MAD1L1: variants seen among roughly 807,000 people sequenced by gnomAD.
MAD1L1 encodes the protein mitotic arrest deficient 1 like 1.
In MAD1L1, 95 loss-of-function variants were observed where a neutral mutation model predicts 96.9. That is an observed-to-expected ratio of 0.98 (90% CI 0.83 to 1.16). MAD1L1 has a LOEUF of 1.16. Among genes scored for constraint, MAD1L1 ranks in the 50% most tolerant of loss-of-function variants. The pLI is 0.00. For missense variants in MAD1L1, 1,007 were observed against 954.4 expected, an observed-to-expected ratio of 1.06 and a Z score of -0.73; for synonymous variants, 473 against 396.6, an observed-to-expected ratio of 1.19 and a Z score of -2.29.
In MAD1L1 at chr7:2,014,721, A is replaced by G. The variant is rs377491570; in HGVS notation, c.1219-79T>C. ...ATGGAGACGGCTCAGGGAAGGCCCCACGAGAGCTGGGTCACGCGGGGGCTC... is the reference window on the plus strand; with the variant it reads ...ATGGAGACGGCTCAGGGAAGGCCCCGCGAGAGCTGGGTCACGCGGGGGCTC... On this transcript the variant is annotated intron_variant, in intron 12 of 18. Coordinates refer to ENST00000265854, the MANE Select transcript of MAD1L1 (RefSeq NM_001013836.2). The G allele has an allele frequency of 3.8e-5, 56 of 1,467,536 alleles. 1 individual carries two copies. The African/African-American group carries it at 5.0e-4, about 13-fold the overall frequency. 90.9% of individuals were successfully genotyped at this position (1,467,536 alleles called of 1,614,324 possible). A position where few individuals can be genotyped will look rare whatever the true frequency, so the allele number is the denominator to read the frequency against.
At chr7:2,057,508 C>T (rs907345697) in intron 12 of MAD1L1, among the ~76,000 whole-genome samples, 3 of 152,030 alleles carry the variant, frequency 2.0e-5, no homozygotes, top group Admixed American at 6.5e-5. Context: ...AACAAGACTC[C>T]ATTCCCCCCA....
chr7:2,230,167 G>C, intron 2 of MAD1L1, 24 bp from the exon 3 acceptor site: 1 of 1,562,886 alleles, frequency 6.4e-7, no homozygotes, highest in Middle Eastern at 1.7e-4. Context: ...ACAAAGGACT[G>C]GTCAGGGGCA....
At chr7:1,936,573 A>T (rs1778615162) in intron 17 of MAD1L1, 114 bp downstream of exon 17, 2 of 1,131,406 alleles carry the variant, frequency 1.8e-6, no homozygotes, top group Non-Finnish European at 2.5e-6. Context: ...ACAGGGGAGG[A>T]CAAACCCTCT....
intron 14 of MAD1L1, among the ~76,000 whole-genome samples, chr7:1,982,870 T>C (rs1373807592): frequency 6.6e-6 from 1 of 152,178 alleles, no homozygotes; most frequent in African/African-American, 2.4e-5. Context: ...AGTGAGAAAT[T>C]ACCCATATAT....
intron 10 of MAD1L1, among the ~76,000 whole-genome samples, chr7:2,151,379 C>G (rs1789561433): frequency 6.6e-6 from 1 of 152,224 alleles, no homozygotes; most frequent in Non-Finnish European, 1.5e-5. Flanking sequence ...CCAAGACCAC[C>G]CCGCCTCACA....
chr7:1,817,642 CG>C (rs1781887864), intron 18 of MAD1L1: 3 of 152,388 alleles, frequency 2.0e-5, no homozygotes, highest in African/African-American at 7.2e-5. Context: ...GTCGCGGCTG[CG>C]CACTGAATGT....
intron 11 of MAD1L1, among the ~76,000 whole-genome samples, chr7:2,124,989 G>C (rs967689342): frequency 6.6e-6 from 1 of 152,168 alleles, no homozygotes; most frequent in Admixed American, 6.5e-5. Flanking sequence ...ATGGCTGAGG[G>C]CACAGGGATG....
intron 12 of MAD1L1, among the ~76,000 whole-genome samples, chr7:2,051,623 G>A (rs1190182637): frequency 6.6e-6 from 1 of 151,068 alleles, no homozygotes; most frequent in Non-Finnish European, 1.5e-5. Flanking sequence ...GGGTCACCTT[G>A]CTGTCCCCCA....
intron 17 of MAD1L1, among the ~76,000 whole-genome samples, chr7:1,916,597 TC>T (rs1268280357): frequency 6.6e-6 from 1 of 152,110 alleles, no homozygotes; most frequent in Non-Finnish European, 1.5e-5. Flanking sequence ...ACTTAGCCCC[TC>T]GGACTACGCA....
At chr7:1,831,999 G>C (rs1239264125) in intron 18 of MAD1L1, among the ~76,000 whole-genome samples, 1 of 152,192 alleles carries the variant, frequency 6.6e-6, no homozygotes, top group Non-Finnish European at 1.5e-5. Flanking sequence ...CTAGATCAAG[G>C]GACAATTGAC....
chr7:1,898,634 C>T lies in MAD1L1; in HGVS notation c.1808-244G>A, dbSNP rs546027642. 6.2e-4 allele frequency among the ~76,000 whole-genome samples: 95 copies of T among 152,292 alleles called. 2 individuals are homozygous for T. Among genetic ancestry groups the T allele is most frequent in the Admixed American group, 6.1e-3 (93 of 15,302 alleles). On this transcript the variant is annotated intron_variant, in intron 17 of 18. Transcript: ENST00000265854. ...AATAATAAAGTTACTGCATTAAGAACGGTAACTCTGAGAGCCAGACTACAA... is the reference window on the plus strand; with the variant it reads ...AATAATAAAGTTACTGCATTAAGAATGGTAACTCTGAGAGCCAGACTACAA...
At chr7:1,816,284 T>TCTCCCC (rs1224817295) in intron 18 of MAD1L1, 56 bp from the exon 19 acceptor site, 1 of 1,549,394 alleles carries the variant, frequency 6.5e-7, no homozygotes, top group Non-Finnish European at 8.8e-7. Flanking sequence ...GGCCTCTCCC[T>TCTCCCC]CTCCCCTCCC....
At chr7:2,075,363 C>G (rs781390937) in intron 11 of MAD1L1, among the ~76,000 whole-genome samples, 6 of 152,214 alleles carry the variant, frequency 3.9e-5, no homozygotes, top group African/African-American at 1.4e-4. Flanking sequence ...GCACCGGGAC[C>G]CAGCACGCTG....
chr7:2,163,353 A>G (rs993174925), intron 10 of MAD1L1, among the ~76,000 whole-genome samples: 1 of 152,168 alleles, frequency 6.6e-6, no homozygotes, highest in African/African-American at 2.4e-5. Flanking sequence ...GAGAATGGGC[A>G]CACAGGCGAC....
chr7:1,848,458 G>A (rs4719319), intron 18 of MAD1L1: 44,544 of 152,220 alleles, frequency 0.29, 7,294 homozygotes, highest in East Asian at 0.45. Context: ...CAAGCTTGCC[G>A]CCTCCTCGGA....
chr7:2,222,569 G>A lies in MAD1L1; in HGVS notation c.471+6C>T, dbSNP rs369779881. On this transcript the variant is annotated splice_donor_region_variant and intron_variant, in intron 5 of 18. Coordinates refer to ENST00000265854, the MANE Select transcript of MAD1L1 (RefSeq NM_001013836.2). Reference sequence around the variant, plus strand: ...CAGCTCCCTGCGCAGCAGAGGCCCCGCTCACCTCGCCAGCCTGGGCCAGAC... The same window carrying A: ...CAGCTCCCTGCGCAGCAGAGGCCCCACTCACCTCGCCAGCCTGGGCCAGAC... 1.6e-5 allele frequency: 25 copies of A among 1,586,832 alleles called. 1 individual carries two copies. Among genetic ancestry groups the A allele is most frequent in the Middle Eastern group, 1.7e-4 (1 of 6,000 alleles).
chr7:1,851,283 C>T (rs1458529070), intron 18 of MAD1L1, among the ~76,000 whole-genome samples: 1 of 152,216 alleles, frequency 6.6e-6, no homozygotes, highest in Admixed American at 6.5e-5. Context: ...AGAGCTTGGC[C>T]TCGGCCGGCA....
At chr7:1,817,067 C>T (rs1781846895) in intron 18 of MAD1L1, 1 of 152,372 alleles carries the variant, frequency 6.6e-6, no homozygotes. Flanking sequence ...AACATTTCTC[C>T]AGAGAAGAGC....
At chr7:1,913,842 C>T (rs1392574202) in intron 17 of MAD1L1, among the ~76,000 whole-genome samples, 1 of 152,140 alleles carries the variant, frequency 6.6e-6, no homozygotes, top group Non-Finnish European at 1.5e-5. Context: ...CAGACTTCAC[C>T]CCTATGGGAA....
Sources: allele counts gnomAD v4.1 joint callset (sites outside exome capture counted in the v4.1 genomes callset), GRCh38; gene constraint gnomAD v4.1.1; transcripts MANE v1.5; gene names NCBI Gene and HGNC (gene_info 2026-07-23, HGNC 2026-07-21).